The following IL1RAPL2 variants were observed in gnomAD, a reference collection of about 807,000 sequenced individuals.
IL1RAPL2 encodes X-linked interleukin-1 receptor accessory protein-like 2.
A neutral mutation model predicts 44.1 loss-of-function variants in IL1RAPL2; 3 were observed. That is an observed-to-expected ratio of 0.07 (90% CI 0.03 to 0.18). The LOEUF (loss-of-function observed/expected upper bound fraction) is 0.18. IL1RAPL2 is among the 10% of genes least tolerant of loss of function. The probability of loss-of-function intolerance (pLI) is 1.00; values close to 1 mark genes in which losing one functional copy is unlikely to be tolerated. For missense variants in IL1RAPL2, 391 were observed against 496.4 expected (o/e 0.79, Z 2.02); for synonymous variants, 181 against 178.8 (o/e 1.01, Z -0.10).
chrX:105,439,544 G>T (rs2035906109), intron 5 of IL1RAPL2, among the ~76,000 whole-genome samples: 1 of 107,013 alleles, frequency 9.3e-6, no homozygotes. Context: ...AAAAAATGGG[G>T]TAAGGAAAAG....
At chrX:104,610,858 A>C (rs1929139719) in intron 1 of IL1RAPL2, among the ~76,000 whole-genome samples, 1 of 112,054 alleles carries the variant, frequency 8.9e-6, no homozygotes, top group Non-Finnish European at 1.9e-5. Context: ...TGGAGGCATC[A>C]CGCTACCTAA....
chrX:105,614,092 T>C (rs1444051011), intron 6 of IL1RAPL2, among the ~76,000 whole-genome samples: 2 of 111,350 alleles, frequency 1.8e-5, no homozygotes, highest in Non-Finnish European at 3.8e-5. Flanking sequence ...TAGCAAACAA[T>C]AAAACTAAAT....
chrX:105,727,308 C>T (rs1396146732), intron 7 of IL1RAPL2, among the ~76,000 whole-genome samples: 1 of 111,847 alleles, frequency 8.9e-6, no homozygotes, highest in East Asian at 2.8e-4. Flanking sequence ...CATCCCTGAG[C>T]AATTCCACTA....
intron 2 of IL1RAPL2, among the ~76,000 whole-genome samples, chrX:104,884,888 T>C (rs1317019515): frequency 9.0e-6 from 1 of 110,736 alleles, no homozygotes; most frequent in Non-Finnish European, 1.9e-5. Flanking sequence ...CAGAAGGAAA[T>C]AAGCAAAGAA....
intron 2 of IL1RAPL2, among the ~76,000 whole-genome samples, chrX:104,890,014 T>C (rs1923374809): frequency 9.0e-6 from 1 of 111,024 alleles, no homozygotes; most frequent in African/African-American, 3.3e-5. Context: ...GTGTTCTCAA[T>C]GTTCAATTCC....
At chrX:104,884,017 A>T (rs1052197242) in intron 2 of IL1RAPL2, among the ~76,000 whole-genome samples, 5 of 112,134 alleles carry the variant, frequency 4.5e-5, no homozygotes, top group Admixed American at 9.4e-5. Context: ...TAATAGGAGA[A>T]TGCTTAGGAC....
intron 5 of IL1RAPL2, among the ~76,000 whole-genome samples, chrX:105,298,793 G>A (rs1340496844): frequency 9.0e-6 from 1 of 110,660 alleles, no homozygotes; most frequent in Non-Finnish European, 1.9e-5. Flanking sequence ...AATACCAGGA[G>A]TATGGGTGTC....
At chrX:104,876,883 G>A (rs1402253939) in intron 2 of IL1RAPL2, among the ~76,000 whole-genome samples, 6 of 107,676 alleles carry the variant, frequency 5.6e-5, no homozygotes, top group African/African-American at 1.4e-4. Flanking sequence ...TCCCCGCTCC[G>A]CCCACCCCAC....
At chrX:104,980,996 GT>G (rs2030425995) in intron 2 of IL1RAPL2, among the ~76,000 whole-genome samples, 1 of 109,732 alleles carries the variant, frequency 9.1e-6, no homozygotes, top group Non-Finnish European at 1.9e-5. Flanking sequence ...TTCCAGCAGT[GT>G]TTTGTACCTT....
In IL1RAPL2 at chrX:104,886,169, G is replaced by T. The variant is rs755624273; in HGVS notation, c.82+227174G>T. 8.0e-5 allele frequency among the ~76,000 whole-genome samples: 9 copies of T among 113,069 alleles called. No homozygotes were observed. In the East Asian group the frequency reaches 2.2e-3, roughly 28 times the overall value. ...CCCACCTCCTCAGTTGTAATTGGGAGACTTTGCTCTTTTCACATGCCTTTT... is the reference window on the plus strand; with the variant it reads ...CCCACCTCCTCAGTTGTAATTGGGATACTTTGCTCTTTTCACATGCCTTTT... On this transcript the variant is annotated intron_variant, in intron 2 of 10. Coordinates refer to ENST00000372582, the MANE Select transcript of IL1RAPL2 (RefSeq NM_017416.2).
chrX:104,970,582 G>T (rs1357740584), intron 2 of IL1RAPL2, among the ~76,000 whole-genome samples: 2 of 111,793 alleles, frequency 1.8e-5, no homozygotes, highest in African/African-American at 6.5e-5. Context: ...TCTGGTCATT[G>T]TCATGGAAAG....
At chrX:105,139,400 C>T (rs1185218706) in intron 2 of IL1RAPL2, among the ~76,000 whole-genome samples, 1 of 111,617 alleles carries the variant, frequency 9.0e-6, no homozygotes, top group Non-Finnish European at 1.9e-5. Context: ...CATAATGCTG[C>T]AGAAGTTGGT....
At chrX:105,706,814 T>G (rs1297306313) in intron 6 of IL1RAPL2, among the ~76,000 whole-genome samples, 3 of 111,670 alleles carry the variant, frequency 2.7e-5, no homozygotes, top group Admixed American at 9.6e-5. Context: ...AGAGGTGACT[T>G]CTTTATTATG....
chrX:105,172,028 T>A (rs1024777478), intron 2 of IL1RAPL2, among the ~76,000 whole-genome samples: 2 of 112,317 alleles, frequency 1.8e-5, no homozygotes, highest in Non-Finnish European at 3.8e-5. Flanking sequence ...GCTTGGCCAG[T>A]CTTGGGTGTA....
At chrX:105,408,760 A>C in intron 5 of IL1RAPL2, among the ~76,000 whole-genome samples, 1 of 111,268 alleles carries the variant, frequency 9.0e-6, no homozygotes, top group South Asian at 3.8e-4. Flanking sequence ...ACTTAAAGGT[A>C]CCTCTGTAGA....
At chrX:104,665,646 T>C (rs1930474664) in intron 2 of IL1RAPL2, among the ~76,000 whole-genome samples, 1 of 111,391 alleles carries the variant, frequency 9.0e-6, no homozygotes, top group Non-Finnish European at 1.9e-5. Context: ...AATCATACTG[T>C]ACGTACTATT....
At chrX:105,269,252 A>G (rs996140858) in intron 5 of IL1RAPL2, among the ~76,000 whole-genome samples, 1 of 110,878 alleles carries the variant, frequency 9.0e-6, no homozygotes, top group African/African-American at 3.3e-5. Context: ...TAGTGTTAAA[A>G]TCAGTCAACT....
At chrX:105,029,748 A>G (rs747279669) in intron 2 of IL1RAPL2, among the ~76,000 whole-genome samples, 19 of 110,795 alleles carry the variant, frequency 1.7e-4, no homozygotes, top group Non-Finnish European at 3.2e-4. Context: ...ATGATTTATA[A>G]TCCTTTGGGT....
chrX:105,354,250 C>T (rs1303741002), intron 5 of IL1RAPL2, among the ~76,000 whole-genome samples: 1 of 110,144 alleles, frequency 9.1e-6, no homozygotes, highest in Non-Finnish European at 1.9e-5. Flanking sequence ...TTGGAACCAA[C>T]CCAAATGTCC....
Sources: allele counts gnomAD v4.1 joint callset (sites outside exome capture counted in the v4.1 genomes callset), GRCh38; gene constraint gnomAD v4.1.1; transcripts MANE v1.5; gene names NCBI Gene and HGNC (gene_info 2026-07-23, HGNC 2026-07-21).